Variants in MGAT5 observed in about 807,000 individuals in gnomAD.
The protein encoded by MGAT5 is alpha-1,6-mannosylglycoprotein 6-beta-N-acetylglucosaminyltransferase A.
Under a neutral mutation model 94.3 loss-of-function variants are expected in MGAT5, and 30 were observed. The ratio of observed to expected loss-of-function variants is 0.32; its 90% CI spans 0.24 to 0.43. The LOEUF (loss-of-function observed/expected upper bound fraction) is 0.43. MGAT5 is among the 20% of genes least tolerant of loss of function. MGAT5 has a pLI of 1.00. For missense variants in MGAT5, 691 were observed against 905.5 expected (o/e 0.76, Z 3.04); for synonymous variants, 310 against 322.9 (o/e 0.96, Z 0.43).
In MGAT5 at chr2:134,313,226, C is replaced by T. The variant is rs544456546; in HGVS notation, c.407-4303C>T. Among the ~76,000 whole-genome samples, 204 of 152,212 alleles carry T rather than the reference C, an allele frequency of 1.3e-3. 2 individuals carry two copies. The highest frequency in any genetic ancestry group is 4.5e-3 in the African/African-American group (189 of 41,548). The stretch of plus-strand genomic sequence containing the variant: ...GACTGTCAGGGAGAATCTGTCTCCA[C>T]GCCTCACAGGAACACCCCCGCTGCG... On this transcript the variant is annotated intron_variant, in intron 2 of 15. Coordinates refer to ENST00000281923, the MANE Select transcript of MGAT5 (RefSeq NM_002410.5).
At chr2:134,201,754 G>T (rs371371833) in intron 1 of MGAT5, among the ~76,000 whole-genome samples, 56 of 150,922 alleles carry the variant, frequency 3.7e-4, no homozygotes, top group Non-Finnish European at 7.4e-5. Context: ...GCCGCCAGGC[G>T]CCAGCATCTT....
At chr2:134,292,059 A>G (rs759364314) in intron 2 of MGAT5, among the ~76,000 whole-genome samples, 1 of 152,094 alleles carries the variant, frequency 6.6e-6, no homozygotes, top group African/African-American at 2.4e-5. Context: ...GGCATTTCTA[A>G]TTTTTAAAAG....
chr2:134,264,716 C>A (rs966716261), intron 1 of MGAT5, among the ~76,000 whole-genome samples: 2 of 152,170 alleles, frequency 1.3e-5, no homozygotes, highest in African/African-American at 4.8e-5. Context: ...ACATTCCTGA[C>A]AGTCAATGGA....
At chr2:134,252,630 G>A (rs143115197), upstream of MGAT5, among the ~76,000 whole-genome samples, 1 of 152,128 alleles carries the variant, frequency 6.6e-6, no homozygotes, top group South Asian at 2.1e-4. Context: ...ACTGAGTTTG[G>A]GACCACATTT....
At chr2:134,358,566 G>A (rs563751135) in intron 9 of MGAT5, among the ~76,000 whole-genome samples, 1 of 152,186 alleles carries the variant, frequency 6.6e-6, no homozygotes, top group African/African-American at 2.4e-5. Flanking sequence ...TACACCGACT[G>A]TGAGGGCTAA....
chr2:134,225,621 A>C (rs1273706178), intron 1 of MGAT5, among the ~76,000 whole-genome samples: 1 of 152,182 alleles, frequency 6.6e-6, no homozygotes, highest in Admixed American at 6.5e-5. Flanking sequence ...TCAGGAAAAG[A>C]ATTCTTTATT....
intron 1 of MGAT5, among the ~76,000 whole-genome samples, chr2:134,215,757 A>G (rs1414145346): frequency 1.3e-5 from 2 of 152,344 alleles, no homozygotes; most frequent in Middle Eastern, 3.4e-3. Flanking sequence ...TCATGGGGGT[A>G]CACATGTTTA....
chr2:134,349,262 T>G (rs376423319), intron 8 of MGAT5, among the ~76,000 whole-genome samples: 53 of 152,290 alleles, frequency 3.5e-4, no homozygotes, highest in African/African-American at 1.3e-3. Flanking sequence ...AAAGTTCTAT[T>G]ACTATCAGAT....
chr2:134,123,436 G>A (rs1377129233), intron 1 of MGAT5, among the ~76,000 whole-genome samples: 9 of 152,200 alleles, frequency 5.9e-5, no homozygotes, highest in Non-Finnish European at 1.2e-4. Context: ...GATCTGGGTT[G>A]GAAAGTTTAT....
At chr2:134,441,296 A>T (rs1040338131) in intron 14 of MGAT5, among the ~76,000 whole-genome samples, 3 of 152,206 alleles carry the variant, frequency 2.0e-5, no homozygotes, top group Non-Finnish European at 4.4e-5. Context: ...GTGTCGTATT[A>T]GGTAACTGCC....
chr2:134,121,381 T>C (rs1685581151), intron 1 of MGAT5, among the ~76,000 whole-genome samples: 1 of 152,194 alleles, frequency 6.6e-6, no homozygotes, highest in Admixed American at 6.5e-5. Flanking sequence ...CGCTCGCGCA[T>C]ACACTTGCTG....
chr2:134,393,348 C>G (rs1682524969), intron 10 of MGAT5, among the ~76,000 whole-genome samples: 2 of 152,136 alleles, frequency 1.3e-5, no homozygotes, highest in Non-Finnish European at 2.9e-5. Flanking sequence ...AGACAGAGAC[C>G]AATTCTCCCC....
chr2:134,428,339 C>T lies in MGAT5; in HGVS notation c.1795-26C>T, dbSNP rs757659805. ...CTACATGTTCTCTGTCCTTCTCCTT[C>T]ATGGTATCATGCTCTGTTTCCACAG... is the stretch of plus-strand genomic sequence containing the variant. On this transcript the variant is annotated intron_variant, in intron 13 of 15. Transcript: ENST00000281923. The T allele has an allele frequency of 3.1e-6, 5 of 1,608,330 alleles. No individual in the cohort carries two copies. In the African/African-American group the frequency reaches 6.7e-5, roughly 21 times the overall value.
At chr2:134,213,826 C>T (rs1680324856) in intron 1 of MGAT5, among the ~76,000 whole-genome samples, 1 of 152,160 alleles carries the variant, frequency 6.6e-6, no homozygotes, top group Admixed American at 6.5e-5. Context: ...TGGGGTATGC[C>T]ACCTTCTTGG....
At chr2:134,278,813 C>T (rs1322254759) in intron 2 of MGAT5, among the ~76,000 whole-genome samples, 3 of 152,184 alleles carry the variant, frequency 2.0e-5, no homozygotes, top group Non-Finnish European at 4.4e-5. Context: ...TTGTCCACAG[C>T]CTGGCATGCT....
chr2:134,270,502 A>G lies in MGAT5; in HGVS notation c.358A>G (p.Thr120Ala). The G allele has an allele frequency of 2.5e-6, 4 of 1,614,184 alleles. No individual in the cohort carries two copies. The highest frequency in any genetic ancestry group is 1.3e-5 in the African/African-American group (1 of 75,058). Reference sequence around the variant, plus strand: ...CACCGGAACAAACTCAACCAACTCCACTACAGCTGTTCCCAGCTTGGTTGC... The same window carrying G: ...CACCGGAACAAACTCAACCAACTCCGCTACAGCTGTTCCCAGCTTGGTTGC... ...NGTGTNSTNS[T>A]TAVPSLVALE... Residue 120 changes from threonine to alanine, a missense_variant, in exon 2 of 16, where the codon ACT becomes GCT. Coordinates refer to ENST00000281923, the MANE Select transcript of MGAT5 (RefSeq NM_002410.5).
intron 1 of MGAT5, among the ~76,000 whole-genome samples, chr2:134,267,194 C>T (rs1683771533): frequency 1.3e-5 from 2 of 152,156 alleles, no homozygotes; most frequent in African/African-American, 4.8e-5. Context: ...TGGACAGGTC[C>T]ATTGTAGTTC....
intron 10 of MGAT5, among the ~76,000 whole-genome samples, chr2:134,369,118 C>T (rs1445447476): frequency 2.0e-5 from 3 of 152,198 alleles, no homozygotes; most frequent in African/African-American, 4.8e-5. Flanking sequence ...CTGCCTGGCA[C>T]GTGGTAGGCA....
At chr2:134,232,643 A>G (rs985575170) in intron 1 of MGAT5, among the ~76,000 whole-genome samples, 5 of 152,208 alleles carry the variant, frequency 3.3e-5, no homozygotes, top group Non-Finnish European at 7.4e-5. Flanking sequence ...CAGGAAGTTG[A>G]TACTAACAGG....
Sources: allele counts gnomAD v4.1 joint callset (sites outside exome capture counted in the v4.1 genomes callset), GRCh38; gene constraint gnomAD v4.1.1; transcripts MANE v1.5; gene names NCBI Gene and HGNC (gene_info 2026-07-23, HGNC 2026-07-21).